Variants in ATG16L1 observed in about 807,000 individuals in gnomAD.
The protein encoded by ATG16L1 is autophagy-related protein 16-1.
In ATG16L1, 37 loss-of-function variants were observed where a neutral mutation model predicts 88.5. The ratio of observed to expected loss-of-function variants is 0.42; its 90% CI spans 0.32 to 0.55. The LOEUF is 0.55. Among genes scored for constraint, ATG16L1 ranks in the 20% least tolerant of loss-of-function variants. The pLI is 0.13. For missense variants in ATG16L1, 554 were observed against 752.8 expected (o/e 0.74, Z 3.09); for synonymous variants, 301 against 281.0 (o/e 1.07, Z -0.71).
chr2:233,293,866 C>A lies in ATG16L1; in HGVS notation c.1731-391C>A, dbSNP rs1574912735. Among the ~76,000 whole-genome samples, 9 of 152,322 alleles carry A rather than the reference C, an allele frequency of 5.9e-5. 3 individuals are homozygous for A. Among genetic ancestry groups the A allele is most frequent in the Admixed American group, 5.9e-4 (9 of 15,296 alleles). On this transcript the variant is annotated intron_variant, in intron 17 of 17. Coordinates refer to ENST00000392017, the MANE Select transcript of ATG16L1 (RefSeq NM_030803.7). ...TTGGAACCCAGATACCATTTTCCTT[C>A]AGAACCTCTCTCCCTGTCCTTGGGC...
At chr2:233,263,965 A>G (rs1460231824) in intron 3 of ATG16L1, 27 bp from the exon 4 acceptor site, 6 of 1,610,648 alleles carry the variant, frequency 3.7e-6, no homozygotes, top group Admixed American at 1.7e-5. Flanking sequence ...ATTTTTATTT[A>G]TGAAAGTATT....
rs540062024 is a variant in ATG16L1, at chr2:233,263,646, T to TAA, written c.316-345_316-344insAA. Reference sequence around the variant, plus strand: ...GCTGTGTTCGCCTGGATGGTGGTCTTACGGCAAAGCTCCAGTTGGGAAAAT... The same window carrying TAA: ...GCTGTGTTCGCCTGGATGGTGGTCTTAAACGGCAAAGCTCCAGTTGGGAAAAT... On this transcript the variant is annotated intron_variant, in intron 3 of 17. Transcript: ENST00000392017. Among the ~76,000 whole-genome samples the TAA allele has an allele frequency of 5.3e-5, 8 of 152,348 alleles. No homozygotes were observed. In the South Asian group the frequency reaches 1.0e-3, roughly 20 times the overall value.
At chr2:233,293,593 G>C (rs1189194544) in intron 17 of ATG16L1, among the ~76,000 whole-genome samples, 1 of 145,990 alleles carries the variant, frequency 6.8e-6, no homozygotes, top group African/African-American at 2.6e-5. Flanking sequence ...CTGGAGAAAG[G>C]GTTATAGAAA....
At chr2:233,252,943 C>G (rs1696485215) in intron 1 of ATG16L1, among the ~76,000 whole-genome samples, 1 of 152,182 alleles carries the variant, frequency 6.6e-6, no homozygotes, top group Non-Finnish European at 1.5e-5. Context: ...ATATTGCATT[C>G]TGATTGTGCA....
intron 8 of ATG16L1, chr2:233,274,001 T>G: frequency 6.4e-7 from 1 of 1,551,208 alleles, no homozygotes; most frequent in Admixed American, 2.0e-5. Context: ...TCTGTCCGAG[T>G]CTCCCCTTTT....
At chr2:233,268,348 A>G (rs1302357394) in intron 5 of ATG16L1, among the ~76,000 whole-genome samples, 1 of 152,182 alleles carries the variant, frequency 6.6e-6, no homozygotes, top group Admixed American at 6.5e-5. Flanking sequence ...AATCCCGGCT[A>G]CTCAGGAGGC....
At chr2:233,292,076 G>A in intron 14 of ATG16L1, 52 bp from the exon 15 acceptor site, 1 of 1,591,678 alleles carries the variant, frequency 6.3e-7, no homozygotes, top group Non-Finnish European at 8.6e-7. Flanking sequence ...ACGGCATGAT[G>A]TGAAGTAGTT....
At chr2:233,269,110 C>T (rs75402247) in intron 5 of ATG16L1, among the ~76,000 whole-genome samples, 1,921 of 152,230 alleles carry the variant, frequency 0.013, 19 homozygotes, top group East Asian at 0.027. Flanking sequence ...GAGACTTTGA[C>T]CATGTTAAAA....
intron 5 of ATG16L1, among the ~76,000 whole-genome samples, 195 bp from the exon 6 acceptor site, chr2:233,269,807 C>T (rs12994971): frequency 0.42 from 63,403 of 152,004 alleles, 14,290 homozygotes; most frequent in Non-Finnish European, 0.52. Flanking sequence ...AGGCTTTACT[C>T]TGAAACCCTT....
intron 17 of ATG16L1, among the ~76,000 whole-genome samples, chr2:233,294,005 T>A (rs1699642979): frequency 1.3e-5 from 2 of 152,248 alleles, no homozygotes; most frequent in South Asian, 4.1e-4. Flanking sequence ...GAGAGTGTGA[T>A]AAGGCCTGAC....
intron 2 of ATG16L1, among the ~76,000 whole-genome samples, chr2:233,259,937 G>A (rs528984851): frequency 2.6e-5 from 4 of 152,290 alleles, no homozygotes; most frequent in South Asian, 2.1e-4. Flanking sequence ...TCCTGTGACC[G>A]TAGTGTGGGC....
chr2:233,292,667 G>C (rs1342493604), intron 16 of ATG16L1, among the ~76,000 whole-genome samples: 1 of 152,222 alleles, frequency 6.6e-6, no homozygotes, highest in Non-Finnish European at 1.5e-5. Flanking sequence ...TTGGCTGGTT[G>C]CTTTGTTGTG....
rs201986578 is a variant in ATG16L1 at position 233,292,460 on chromosome 2, A to G, written c.1628+26A>G. 1.7e-5 allele frequency: 27 copies of G among 1,612,090 alleles called. No homozygotes were observed. In the East Asian group the frequency reaches 3.8e-4, roughly 23 times the overall value. ...GTTAGTAGTGACCCACCCCCCGCCA[A>G]TTTGGTTCATCACAAAGAGTCCTGC... On this transcript the variant is annotated intron_variant, in intron 16 of 17. Transcript: ENST00000392017.
At chr2:233,272,544 C>G (rs1226515663) in intron 6 of ATG16L1, among the ~76,000 whole-genome samples, 1 of 152,180 alleles carries the variant, frequency 6.6e-6, no homozygotes, top group Non-Finnish European at 1.5e-5. Context: ...CCCTAACTAC[C>G]CTAGGTACCC....
Position 233,285,706 on chromosome 2 carries a change from G to A in ATG16L1, c.1203+2953G>A, listed in dbSNP as rs559548978. On this transcript the variant is annotated intron_variant, in intron 12 of 17. Coordinates refer to ENST00000392017, the MANE Select transcript of ATG16L1 (RefSeq NM_030803.7). Reference sequence around the variant, plus strand: ...TACCAGGTTCCAGAAAGTAAAATAGGCTCCTTATTCTAGGGAGTGCTGGCT... The same window carrying A: ...TACCAGGTTCCAGAAAGTAAAATAGACTCCTTATTCTAGGGAGTGCTGGCT... Among the ~76,000 whole-genome samples, 7 of 152,312 alleles carry A rather than the reference G, an allele frequency of 4.6e-5. No homozygotes were observed. The South Asian group carries it at 1.2e-3, about 27-fold the overall frequency.
chr2:233,281,143 G>A lies in ATG16L1; in HGVS notation c.1099G>A (p.Ala367Thr), dbSNP rs1163365925. Residue 367 changes from alanine (A) to threonine (T), a missense_variant, in exon 11 of 18, where the codon GCA becomes ACA. Ala to Thr is a moderately conservative substitution (Grantham distance 58). Around this residue, in one of 5 missense-constraint regions of ATG16L1, gnomAD observed 370 missense variants for 509.7 expected, o/e 0.73. Transcript: ENST00000392017. ...CAAGGGTTCCCTATCTGGCAGTAAT[G>A]CAGGAATTACAAGCATTGAATTTGA... ...EFKGSLSGSNAGITSIEFDSA... is the reference protein window; with the variant it reads ...EFKGSLSGSNTGITSIEFDSA... 1.2e-6 allele frequency: 2 copies of A among 1,603,916 alleles called. No individual in the cohort carries two copies. The highest frequency in any genetic ancestry group is 1.7e-6 in the Non-Finnish European group (2 of 1,177,354).
intron 2 of ATG16L1, among the ~76,000 whole-genome samples, chr2:233,258,192 T>C (rs976854343): frequency 3.9e-5 from 6 of 152,200 alleles, no homozygotes; most frequent in African/African-American, 7.2e-5. Context: ...TCATTGTGTT[T>C]GCATGTTAAA....
chr2:233,289,406 T>A lies in ATG16L1; in HGVS notation c.1204-448T>A, dbSNP rs577672656. ...GTGTGTGTGTGTGTGTGTGTGTGTG[T>A]GTGACAGGATCTTGCTATCACTCAG... On this transcript the variant is annotated intron_variant, in intron 12 of 17. Transcript: ENST00000392017. 3.8e-3 allele frequency among the ~76,000 whole-genome samples: 486 copies of A among 127,044 alleles called. 2 individuals are homozygous for A. The highest frequency in any genetic ancestry group is 0.015 in the South Asian group (58 of 3,864). The allele number at this position is 127,044 out of a possible 152,430, so 83.3% of individuals were successfully genotyped here. A position where few individuals can be genotyped will look rare whatever the true frequency, so the allele number is the denominator to read the frequency against.
chr2:233,255,290 G>A (rs1158352700), intron 1 of ATG16L1, among the ~76,000 whole-genome samples: 3 of 152,116 alleles, frequency 2.0e-5, no homozygotes, highest in East Asian at 1.9e-4. Context: ...ACTTAACTAC[G>A]TGTTCTTTCT....
Sources: allele counts gnomAD v4.1 joint callset (sites outside exome capture counted in the v4.1 genomes callset), GRCh38; gene constraint gnomAD v4.1.1; regional missense constraint gnomAD v4.1.1; transcripts MANE v1.5; gene names NCBI Gene and HGNC (gene_info 2026-07-23, HGNC 2026-07-21).